VPS13A: variants seen among roughly 807,000 people sequenced by gnomAD.
VPS13A encodes the protein intermembrane lipid transfer protein VPS13A.
Under a neutral mutation model 390.9 loss-of-function variants are expected in VPS13A, and 264 were observed. That is an observed-to-expected ratio of 0.68 (90% CI 0.61 to 0.75). The LOEUF is 0.75. Among genes scored for constraint, VPS13A ranks in the 30% least tolerant of loss-of-function variants. The probability of loss-of-function intolerance (pLI) is 0.00; values close to 1 mark genes in which losing one functional copy is unlikely to be tolerated. For synonymous variants in VPS13A, 1,231 were observed against 1,227.1 expected (o/e 1.00, Z -0.07); for missense variants, 3,409 against 3,733.9 (o/e 0.91, Z 2.27).
At chr9:77,190,895 A>G (rs1479869325) in intron 1 of VPS13A, among the ~76,000 whole-genome samples, 2 of 151,688 alleles carry the variant, frequency 1.3e-5, no homozygotes, top group African/African-American at 4.8e-5. Context: ...GATTTTTTGT[A>G]TTTCTCTGGG....
intron 42 of VPS13A, among the ~76,000 whole-genome samples, chr9:77,320,769 A>G (rs1488379539): frequency 6.6e-6 from 1 of 151,980 alleles, no homozygotes; most frequent in Non-Finnish European, 1.5e-5. Context: ...TTCTGCTACT[A>G]TTGTCTGCCT....
At chr9:77,351,043 T>G (rs2131540250) in intron 52 of VPS13A, 1 of 350,538 alleles carries the variant, frequency 2.9e-6, no homozygotes, top group African/African-American at 2.1e-5. Context: ...TTTTCCATAA[T>G]TAATTTGTAT....
chr9:77,252,113 A>T, intron 21 of VPS13A, 122 bp from the exon 22 acceptor site: 1 of 799,366 alleles, frequency 1.3e-6, no homozygotes, highest in East Asian at 2.6e-5. Flanking sequence ...TGTGACATTA[A>T]GATTACCTAG....
chr9:77,320,193 G>A (rs1332961676), intron 42 of VPS13A, among the ~76,000 whole-genome samples: 1 of 152,112 alleles, frequency 6.6e-6, no homozygotes, highest in Non-Finnish European at 1.5e-5. Flanking sequence ...CTGAGACCAG[G>A]GAGGTTAAGA....
intron 19 of VPS13A, among the ~76,000 whole-genome samples, chr9:77,242,993 T>C (rs890392033): frequency 6.6e-6 from 1 of 152,080 alleles, no homozygotes; most frequent in African/African-American, 2.4e-5. Context: ...GATAGGTTTT[T>C]GCACTTAATT....
chr9:77,267,636 C>T (rs1302659651), intron 23 of VPS13A, among the ~76,000 whole-genome samples: 1 of 152,154 alleles, frequency 6.6e-6, no homozygotes, highest in Non-Finnish European at 1.5e-5. Context: ...AGTCAGGAGG[C>T]ATGGGGGTCA....
chr9:77,205,433 A>G (rs2131123426), intron 4 of VPS13A, 25 bp downstream of exon 4: 1 of 1,132,772 alleles, frequency 8.8e-7, no homozygotes, highest in East Asian at 2.9e-5. Context: ...AAAAAATTAT[A>G]ATTTAAGTTA....
In VPS13A at chr9:77,339,499, T is replaced by G. The variant is rs373072093; in HGVS notation, c.6379-17T>G. 3.2e-3 allele frequency: 4,910 copies of G among 1,524,302 alleles called. 71 individuals are homozygous for G. The highest frequency in any genetic ancestry group is 0.025 in the Middle Eastern group (135 of 5,366). The allele number at this position is 1,524,302 out of a possible 1,614,324, so 94.4% of individuals were successfully genotyped here. On this transcript the variant is annotated splice_polypyrimidine_tract_variant and intron_variant, in intron 47 of 71. Coordinates refer to ENST00000360280, the MANE Select transcript of VPS13A (RefSeq NM_033305.3). ...AACATTTTAAATTTTGTTTTGTTTTTTTTTTTTTTATTACAGGGAATTGAA... is the reference window on the plus strand; with the variant it reads ...AACATTTTAAATTTTGTTTTGTTTTGTTTTTTTTTATTACAGGGAATTGAA...
chr9:77,275,430 T>A, intron 24 of VPS13A, 68 bp from the exon 25 acceptor site: 7 of 1,465,678 alleles, frequency 4.8e-6, no homozygotes, highest in Non-Finnish European at 6.7e-6. Flanking sequence ...TTCATATTTA[T>A]TTCTATTGAA....
chr9:77,393,654 C>T (rs1455122459), intron 68 of VPS13A, among the ~76,000 whole-genome samples: 2 of 152,202 alleles, frequency 1.3e-5, no homozygotes, highest in Non-Finnish European at 2.9e-5. Context: ...AGCTCTTGAG[C>T]CCGAGTGACT....
chr9:77,231,253 T>A (rs1397644042), intron 17 of VPS13A, among the ~76,000 whole-genome samples: 1 of 152,098 alleles, frequency 6.6e-6, no homozygotes, highest in African/African-American at 2.4e-5. Context: ...GGCTAGAACC[T>A]CCAGTAGTAT....
intron 67 of VPS13A, among the ~76,000 whole-genome samples, chr9:77,376,183 T>C (rs1377414328): frequency 6.6e-6 from 1 of 152,164 alleles, no homozygotes; most frequent in Non-Finnish European, 1.5e-5. Flanking sequence ...TTGGCCTATT[T>C]GAGAAACAGC....
intron 68 of VPS13A, among the ~76,000 whole-genome samples, chr9:77,402,590 T>C (rs1012073567): frequency 7.3e-6 from 1 of 137,176 alleles, no homozygotes; most frequent in Non-Finnish European, 1.6e-5. Context: ...GAATTTAAAA[T>C]GGTAAATCTT....
chr9:77,221,524 A>AT (rs1434539861), intron 13 of VPS13A, among the ~76,000 whole-genome samples, 168 bp downstream of exon 13: 1 of 152,036 alleles, frequency 6.6e-6, no homozygotes, highest in Non-Finnish European at 1.5e-5. Context: ...ATAATACAAG[A>AT]TTTGTTGAAA....
At chr9:77,216,525 G>A (rs1822875261) in intron 10 of VPS13A, among the ~76,000 whole-genome samples, 1 of 152,120 alleles carries the variant, frequency 6.6e-6, no homozygotes, top group Admixed American at 6.5e-5. Flanking sequence ...TAGGAGCATA[G>A]TTAATTTATA....
intron 60 of VPS13A, 58 bp downstream of exon 60, chr9:77,365,631 G>A (rs1264762281): frequency 2.8e-6 from 3 of 1,061,006 alleles, no homozygotes; most frequent in South Asian, 2.6e-5. Context: ...AATTGATGTA[G>A]CATTTATATT....
At chr9:77,239,399 T>TA (rs1824337385) in intron 19 of VPS13A, among the ~76,000 whole-genome samples, 2 of 151,200 alleles carry the variant, frequency 1.3e-5, no homozygotes, top group African/African-American at 4.9e-5. Flanking sequence ...ATAATAAAAA[T>TA]TAAAAAAAAA....
In VPS13A at chr9:77,318,409, C is replaced by T. The variant is rs770391499; in HGVS notation, c.5131C>T (p.Pro1711Ser). 1 of 1,613,654 alleles carries T rather than the reference C, an allele frequency of 6.2e-7. No homozygotes were observed. Among genetic ancestry groups the T allele is most frequent in the Non-Finnish European group, 8.5e-7 (1 of 1,179,888 alleles). The change falls in exon 41 of 72, where the codon CCC becomes TCC. Residue 1711 changes from proline (P) to serine (S), a missense_variant. By Grantham distance (74) the Pro-to-Ser change is moderately conservative. This residue lies in a region of VPS13A where 2,717 missense variants were observed against 2,917.4 expected (regional missense o/e 0.93). Transcript: ENST00000360280. ...ATCAAATGAAACTGAAAAAATAGCTCCCACAACTGAATTGGTACCCAAAGG... is the reference window on the plus strand; with the variant it reads ...ATCAAATGAAACTGAAAAAATAGCTTCCACAACTGAATTGGTACCCAAAGG... ...EESNETEKIA[P>S]TTELVPKGEM...
rs1277864698 is a variant in VPS13A, at chr9:77,417,794, G to C, written c.*1788G>C. ...AATAGTAAACATAGAAATTCTTCTG[G>C]TGCCCTCTGGCAGCCAGCAGGAGTG... On this transcript the variant is annotated 3_prime_UTR_variant, in exon 72 of 72. Transcript: ENST00000360280. 1.3e-5 allele frequency: 2 copies of C among 152,080 alleles called. No homozygotes were observed. The highest frequency in any genetic ancestry group is 1.3e-4 in the Admixed American group (2 of 15,264). 9.4% of individuals were successfully genotyped at this position (152,080 alleles called of 1,614,324 possible).
Sources: gnomAD v4.1 joint callset for allele counts (sites outside exome capture counted in the v4.1 genomes callset) on GRCh38, gnomAD v4.1.1 for gene constraint, gnomAD v4.1.1 regional missense constraint, MANE v1.5 for transcripts, NCBI Gene and HGNC (gene_info 2026-07-23, HGNC 2026-07-21) for gene names.